The following UNC5D variants were observed in gnomAD, a reference collection of about 807,000 sequenced individuals.
UNC5D encodes the protein unc-5 netrin receptor D, also known as netrin receptor UNC5D.
A neutral mutation model predicts 105.4 loss-of-function variants in UNC5D; 39 were observed. The observed-to-expected ratio is 0.37, with a 90% CI of 0.29 to 0.48. UNC5D has a LOEUF of 0.48. Among genes scored for constraint, UNC5D ranks in the 20% least tolerant of loss-of-function variants. UNC5D has a pLI of 0.98. For synonymous variants in UNC5D, 452 were observed against 450.4 expected, an observed-to-expected ratio of 1.00 and a Z score of -0.04; for missense variants, 991 against 1,202.4, an observed-to-expected ratio of 0.82 and a Z score of 2.60.
At chr8:35,436,469 A>C (rs1042500673) in intron 1 of UNC5D, among the ~76,000 whole-genome samples, 2 of 152,072 alleles carry the variant, frequency 1.3e-5, no homozygotes, top group Middle Eastern at 3.2e-3. Context: ...GTATTATAGA[A>C]GCTAAACAAA....
chr8:35,774,437 A>C lies in UNC5D; in HGVS notation c.2617A>C (p.Lys873Gln). The C allele has an allele frequency of 1.2e-6, 2 of 1,614,132 alleles. No homozygotes were observed. Residue 873 changes from lysine to glutamine, a missense_variant, in exon 16 of 17, where the codon AAG becomes CAG. This residue lies in a region of UNC5D where 944 missense variants were observed against 1,131.6 expected (regional missense o/e 0.83). Coordinates refer to ENST00000404895, the MANE Select transcript of UNC5D (RefSeq NM_080872.4). Reference protein sequence around the residue: ...ATFDTPNAKGKDWQMLAQKNS... With the variant: ...ATFDTPNAKGQDWQMLAQKNS... ...ATTTGATACCCCCAATGCCAAAGGC[A>C]AGGACTGGCAGATGTTAGCACAGAA...
chr8:35,600,738 A>G (rs1819811703), intron 4 of UNC5D, among the ~76,000 whole-genome samples: 1 of 152,090 alleles, frequency 6.6e-6, no homozygotes, highest in Non-Finnish European at 1.5e-5. Flanking sequence ...ATTGTCTCCC[A>G]TTCTGTAGGT....
chr8:35,781,106 C>T (rs956615709), intron 16 of UNC5D, among the ~76,000 whole-genome samples: 2 of 151,968 alleles, frequency 1.3e-5, no homozygotes, highest in African/African-American at 4.8e-5. Flanking sequence ...GGTTCTGGTC[C>T]AGTGTGGATT....
At chr8:35,254,634 C>T (rs956975905) in intron 1 of UNC5D, 1 of 152,146 alleles carries the variant, frequency 6.6e-6, no homozygotes, top group African/African-American at 2.4e-5. Flanking sequence ...TGTTCATGCC[C>T]CTTGTTCAGG....
chr8:35,332,230 T>G (rs1346102783), intron 1 of UNC5D, among the ~76,000 whole-genome samples: 2 of 152,208 alleles, frequency 1.3e-5, no homozygotes, highest in Non-Finnish European at 2.9e-5. Context: ...ATGTTTGATA[T>G]AGGTTGAGCT....
At chr8:35,687,681 T>C (rs1284512200) in intron 7 of UNC5D, among the ~76,000 whole-genome samples, 2 of 152,184 alleles carry the variant, frequency 1.3e-5, no homozygotes, top group African/African-American at 4.8e-5. Flanking sequence ...TTTGGTGCTC[T>C]TCCTTATTTA....
chr8:35,781,518 C>T (rs369127656), intron 16 of UNC5D, among the ~76,000 whole-genome samples: 2 of 152,028 alleles, frequency 1.3e-5, no homozygotes, highest in Admixed American at 6.6e-5. Flanking sequence ...TGCCAAAACC[C>T]GTTTATAGCC....
intron 1 of UNC5D, among the ~76,000 whole-genome samples, chr8:35,298,779 C>T (rs1563291386): frequency 1.3e-5 from 2 of 152,096 alleles, no homozygotes. Flanking sequence ...AGGATATATA[C>T]TTGGCAGTAC....
intron 3 of UNC5D, among the ~76,000 whole-genome samples, chr8:35,575,997 T>C (rs988920804): frequency 6.6e-6 from 1 of 152,176 alleles, no homozygotes; most frequent in African/African-American, 2.4e-5. Flanking sequence ...GGAGGCTAGT[T>C]TTCCTGGGCA....
chr8:35,434,207 C>T (rs2128977734), intron 1 of UNC5D, among the ~76,000 whole-genome samples: 1 of 152,096 alleles, frequency 6.6e-6, no homozygotes, highest in East Asian at 1.9e-4. Flanking sequence ...ATCTCAATTT[C>T]ACGTGGATTT....
At chr8:35,386,676 A>T (rs1919349) in intron 1 of UNC5D, among the ~76,000 whole-genome samples, 81,207 of 152,030 alleles carry the variant, frequency 0.53, 22,477 homozygotes, top group East Asian at 0.7. Flanking sequence ...GAAAATATAA[A>T]TGAAGAAATG....
intron 16 of UNC5D, among the ~76,000 whole-genome samples, chr8:35,788,988 G>C (rs1380161227): frequency 6.6e-6 from 1 of 150,884 alleles, no homozygotes; most frequent in East Asian, 2.0e-4. Context: ...GTCTATTTGT[G>C]GGTGTGTATG....
chr8:35,468,715 C>G (rs1156528857), intron 1 of UNC5D, among the ~76,000 whole-genome samples: 1 of 152,164 alleles, frequency 6.6e-6, no homozygotes, highest in Non-Finnish European at 1.5e-5. Flanking sequence ...TGCTCTGGGA[C>G]ATTTAATCTT....
chr8:35,292,014 T>A (rs1585511288), intron 1 of UNC5D, among the ~76,000 whole-genome samples: 1 of 152,170 alleles, frequency 6.6e-6, no homozygotes, highest in East Asian at 1.9e-4. Context: ...CTTCCCCCAT[T>A]TTGGCAAGCT....
intron 1 of UNC5D, chr8:35,525,197 C>T: frequency 6.2e-7 from 1 of 1,611,016 alleles, no homozygotes; most frequent in Non-Finnish European, 8.5e-7. Context: ...GGGCAGCCTC[C>T]TTCTGTGGTT....
chr8:35,544,364 A>T, intron 1 of UNC5D: 1 of 1,587,982 alleles, frequency 6.3e-7, no homozygotes, highest in Non-Finnish European at 8.6e-7. Flanking sequence ...GTTTTCTGCC[A>T]CAAATAACAG....
chr8:35,334,142 C>T (rs1810841741), intron 1 of UNC5D, among the ~76,000 whole-genome samples: 2 of 152,056 alleles, frequency 1.3e-5, no homozygotes, highest in African/African-American at 4.8e-5. Context: ...GTGAAGAAAG[C>T]AGATTAAAAG....
intron 4 of UNC5D, among the ~76,000 whole-genome samples, chr8:35,616,043 ACTG>A (rs1821006711): frequency 6.6e-6 from 1 of 152,228 alleles, no homozygotes; most frequent in Non-Finnish European, 1.5e-5. Flanking sequence ...CCATTGAGAA[ACTG>A]CTATCTAGCT....
At position 35,497,159 on chromosome 8, in the gene UNC5D, G is replaced by A. The variant is rs955227426; in HGVS notation, c.104-52133G>A. Among the ~76,000 whole-genome samples, 5 of 152,180 alleles carry A rather than the reference G, an allele frequency of 3.3e-5. No homozygotes were observed. In the East Asian group the frequency reaches 5.8e-4, roughly 18 times the overall value. ...GGAGAAATAGAATTGGACAAAAGAG[G>A]ATGATCTAATGGCCATGTACTAGGG... On this transcript the variant is annotated intron_variant, in intron 1 of 16. Transcript: ENST00000404895.
Sources: allele counts gnomAD v4.1 joint callset (sites outside exome capture counted in the v4.1 genomes callset), GRCh38; gene constraint gnomAD v4.1.1; regional missense constraint gnomAD v4.1.1; transcripts MANE v1.5; gene names NCBI Gene and HGNC (gene_info 2026-07-23, HGNC 2026-07-21).